The following PRRX1 variants were observed in gnomAD, a reference collection of about 807,000 sequenced individuals.
PRRX1 encodes the protein paired related homeobox 1, also known as paired mesoderm homeobox protein 1.
A neutral mutation model predicts 24.0 loss-of-function variants in PRRX1; 8 were observed. The ratio of observed to expected loss-of-function variants is 0.33; its 90% CI spans 0.20 to 0.60. The LOEUF is 0.60. Ranked by LOEUF, PRRX1 falls within the 20% of genes least tolerant of loss-of-function variation. The pLI is 0.82. For missense variants in PRRX1, 281 were observed against 322.4 expected (o/e 0.87, Z 0.98); for synonymous variants, 160 against 131.7 (o/e 1.22, Z -1.47).
Position 170,720,019 on chromosome 1 carries a change from G to C in PRRX1, c.417+118G>C, listed in dbSNP as rs1364496898. ...ACAGTGGCTCATGCCTGCAATCTCA[G>C]CACGTTGGGAGGTTGAGGCAGGCAC... On this transcript the variant is annotated intron_variant, in intron 2 of 3. Transcript: ENST00000239461. The C allele has an allele frequency of 4.4e-6, 6 of 1,364,034 alleles. No individual in the cohort carries two copies. In the South Asian group the frequency reaches 7.3e-5, roughly 16 times the overall value. 84.5% of individuals were successfully genotyped at this position (1,364,034 alleles called of 1,614,324 possible). A position where few individuals can be genotyped will look rare whatever the true frequency, so the allele number is the denominator to read the frequency against.
At chr1:170,696,621 G>T (rs900706646) in intron 1 of PRRX1, among the ~76,000 whole-genome samples, 3 of 152,102 alleles carry the variant, frequency 2.0e-5, no homozygotes, top group African/African-American at 7.2e-5. Context: ...TACTTTAAAA[G>T]GTAGGAAAAC....
chr1:170,664,610 G>T, intron 1 of PRRX1, 151 bp downstream of exon 1: 1 of 1,291,544 alleles, frequency 7.7e-7, no homozygotes, highest in Non-Finnish European at 1.0e-6. Context: ...GCCAGTCACA[G>T]GGGAAACCAG....
intron 1 of PRRX1, among the ~76,000 whole-genome samples, chr1:170,680,904 A>C (rs1403661226): frequency 2.0e-5 from 3 of 152,230 alleles, no homozygotes; most frequent in Admixed American, 2.0e-4. Flanking sequence ...TGTGACTGTA[A>C]AATGTGGTTC....
At chr1:170,664,563 G>A in intron 1 of PRRX1, 104 bp downstream of exon 1, 1 of 1,461,928 alleles carries the variant, frequency 6.8e-7, no homozygotes, top group African/African-American at 1.4e-5. Flanking sequence ...ACAAGGTCCT[G>A]GGACCAGGAG....
At chr1:170,695,595 A>AT (rs376449907) in intron 1 of PRRX1, among the ~76,000 whole-genome samples, 3 of 152,252 alleles carry the variant, frequency 2.0e-5, no homozygotes, top group African/African-American at 7.2e-5. Context: ...CAAGACCACA[A>AT]TTTTTTATGT....
chr1:170,671,815 G>T (rs1244638228), intron 1 of PRRX1, among the ~76,000 whole-genome samples: 1 of 152,176 alleles, frequency 6.6e-6, no homozygotes. Context: ...GTGGGTGCTA[G>T]GACTGACGCC....
chr1:170,665,215 C>T (rs1007483855), intron 1 of PRRX1, among the ~76,000 whole-genome samples: 4 of 152,240 alleles, frequency 2.6e-5, no homozygotes, highest in African/African-American at 9.6e-5. Context: ...ATCCGGGAGG[C>T]GCGAGCTTCA....
intron 1 of PRRX1, 76 bp downstream of exon 1, chr1:170,664,535 C>A: frequency 6.6e-7 from 1 of 1,510,616 alleles, no homozygotes; most frequent in Non-Finnish European, 8.9e-7. Flanking sequence ...CAGCTAGAGC[C>A]CGTCCGCGGC....
chr1:170,718,948 G>A (rs1654995678), intron 1 of PRRX1, among the ~76,000 whole-genome samples: 1 of 152,190 alleles, frequency 6.6e-6, no homozygotes, highest in Non-Finnish European at 1.5e-5. Flanking sequence ...ATGGAGTTGT[G>A]ATTCTTCAAA....
At chr1:170,720,130 C>T (rs1293076883) in intron 2 of PRRX1, among the ~76,000 whole-genome samples, 2 of 151,954 alleles carry the variant, frequency 1.3e-5, no homozygotes, top group Non-Finnish European at 2.9e-5. Context: ...AATAAATAAA[C>T]AGCCAGGCAT....
At chr1:170,718,362 ACT>A (rs946938550) in intron 1 of PRRX1, among the ~76,000 whole-genome samples, 8 of 152,114 alleles carry the variant, frequency 5.3e-5, no homozygotes, top group African/African-American at 1.9e-4. Flanking sequence ...CTACATTTTG[ACT>A]CTGTACACAA....
intron 3 of PRRX1, among the ~76,000 whole-genome samples, chr1:170,734,842 G>A (rs929222959): frequency 9.2e-5 from 14 of 152,074 alleles, no homozygotes; most frequent in Non-Finnish European, 1.3e-4. Context: ...TTGACTCCGT[G>A]GTGTCCCAAA....
intron 1 of PRRX1, among the ~76,000 whole-genome samples, chr1:170,682,901 T>C (rs1035290822): frequency 3.9e-5 from 6 of 152,214 alleles, no homozygotes; most frequent in East Asian, 1.9e-4. Context: ...GTGAAAAGCC[T>C]TCCAGGCAGA....
chr1:170,704,215 C>G (rs1490874142), intron 1 of PRRX1, among the ~76,000 whole-genome samples: 1 of 152,078 alleles, frequency 6.6e-6, no homozygotes, highest in Non-Finnish European at 1.5e-5. Flanking sequence ...AATGAAATAA[C>G]ATAAGTAAGT....
chr1:170,671,116 G>A (rs920095274), intron 1 of PRRX1, among the ~76,000 whole-genome samples: 1 of 152,180 alleles, frequency 6.6e-6, no homozygotes, highest in African/African-American at 2.4e-5. Flanking sequence ...TTATGAGAAA[G>A]GGCAAGGGCA....
chr1:170,717,955 C>G (rs929013870), intron 1 of PRRX1, among the ~76,000 whole-genome samples: 3 of 152,160 alleles, frequency 2.0e-5, no homozygotes, highest in African/African-American at 7.2e-5. Context: ...CAAGATGCAG[C>G]TGATCTTACA....
At chr1:170,713,339 T>C (rs1654805177) in intron 1 of PRRX1, among the ~76,000 whole-genome samples, 1 of 152,196 alleles carries the variant, frequency 6.6e-6, no homozygotes, top group Non-Finnish European at 1.5e-5. Flanking sequence ...TGGGACTACA[T>C]GGAAAACCTT....
intron 1 of PRRX1, among the ~76,000 whole-genome samples, chr1:170,692,054 G>A (rs1654001850): frequency 6.6e-6 from 1 of 152,062 alleles, no homozygotes; most frequent in South Asian, 2.1e-4. Flanking sequence ...TATGGGTCTA[G>A]AATCTAGACT....
chr1:170,733,140 C>A (rs997408986), intron 3 of PRRX1, among the ~76,000 whole-genome samples: 1 of 152,080 alleles, frequency 6.6e-6, no homozygotes, highest in Non-Finnish European at 1.5e-5. Context: ...CTCAGTATTT[C>A]CAAGAAATGT....
Sources: gnomAD v4.1 joint callset for allele counts (sites outside exome capture counted in the v4.1 genomes callset) on GRCh38, gnomAD v4.1.1 for gene constraint, MANE v1.5 for transcripts, NCBI Gene and HGNC (gene_info 2026-07-23, HGNC 2026-07-21) for gene names.